LUZP2: variants seen among roughly 807,000 people sequenced by gnomAD.
LUZP2 encodes leucine zipper protein 2.
A neutral mutation model predicts 51.6 loss-of-function variants in LUZP2; 52 were observed. The observed-to-expected ratio is 1.01, with a 90% CI of 0.81 to 1.27. LUZP2 has a LOEUF of 1.27. Among genes scored for constraint, LUZP2 ranks in the 50% most tolerant of loss-of-function variants. The pLI, the probability that LUZP2 is intolerant of heterozygous loss-of-function variation, is 0.00. For synonymous variants in LUZP2, 154 were observed against 137.3 expected (o/e 1.12, Z -0.85); for missense variants, 436 against 395.4 (o/e 1.10, Z -0.87).
chr11:25,058,760 G>T (rs1003242212), intron 10 of LUZP2, among the ~76,000 whole-genome samples: 1 of 152,210 alleles, frequency 6.6e-6, no homozygotes, highest in African/African-American at 2.4e-5. Flanking sequence ...GACCACTCCT[G>T]CCGTTGGCTC....
chr11:24,513,037 C>T (rs7108369), intron 1 of LUZP2, among the ~76,000 whole-genome samples: 9,680 of 152,134 alleles, frequency 0.064, 347 homozygotes, highest in Middle Eastern at 0.1. Flanking sequence ...GGATCACAGG[C>T]GTGAGCCACC....
intron 1 of LUZP2, among the ~76,000 whole-genome samples, chr11:24,509,647 G>T (rs371935350): frequency 2.0e-5 from 3 of 149,618 alleles, no homozygotes; most frequent in East Asian, 3.9e-4. Context: ...TATATACACA[G>T]AATATATAAA....
At chr11:24,577,734 C>A (rs1852700795) in intron 1 of LUZP2, among the ~76,000 whole-genome samples, 1 of 152,012 alleles carries the variant, frequency 6.6e-6, no homozygotes, top group Admixed American at 6.6e-5. Flanking sequence ...AATTTACCCC[C>A]ACCCCAGATT....
intron 1 of LUZP2, among the ~76,000 whole-genome samples, chr11:24,723,438 A>G (rs945430192): frequency 6.6e-6 from 1 of 152,254 alleles, no homozygotes; most frequent in Non-Finnish European, 1.5e-5. Context: ...AGCATTACTC[A>G]TAATATTCAA....
intron 5 of LUZP2, among the ~76,000 whole-genome samples, chr11:24,807,024 CAAAA>C (rs34565471): frequency 1.7e-4 from 19 of 110,264 alleles, no homozygotes; most frequent in East Asian, 1.6e-3. Flanking sequence ...GAAAATCCAC[CAAAA>C]AAAAAAAAAA....
At chr11:24,834,636 T>C (rs2134186862) in intron 5 of LUZP2, among the ~76,000 whole-genome samples, 1 of 152,320 alleles carries the variant, frequency 6.6e-6, no homozygotes, top group African/African-American at 2.4e-5. Context: ...GGTCAAATGG[T>C]ATTTCTGGTT....
intron 4 of LUZP2, among the ~76,000 whole-genome samples, chr11:24,757,513 C>T (rs1468875546): frequency 3.3e-5 from 5 of 151,842 alleles, no homozygotes; most frequent in African/African-American, 1.2e-4. Context: ...AATACATTTT[C>T]AGTTAAATGA....
chr11:24,503,710 C>T (rs1850069791), intron 1 of LUZP2, among the ~76,000 whole-genome samples: 2 of 152,050 alleles, frequency 1.3e-5, no homozygotes, highest in South Asian at 2.1e-4. Flanking sequence ...TGCCCAAGGT[C>T]GTAAAGGGAA....
chr11:24,926,854 C>T (rs1854290654), intron 7 of LUZP2, among the ~76,000 whole-genome samples: 1 of 151,684 alleles, frequency 6.6e-6, no homozygotes, highest in Non-Finnish European at 1.5e-5. Flanking sequence ...CAAATTCCCA[C>T]CAGCAGTGTA....
intron 1 of LUZP2, among the ~76,000 whole-genome samples, chr11:24,561,816 T>TATAATAATAATAATAATA (rs147360262): frequency 0.021 from 2,561 of 120,826 alleles, 64 homozygotes; most frequent in African/African-American, 0.061. Flanking sequence ...GAACTTAAAG[T>TATAATAATAATAATAATA]ATAATAATAA....
intron 5 of LUZP2, among the ~76,000 whole-genome samples, chr11:24,858,832 G>A (rs541839657): frequency 6.6e-6 from 1 of 152,196 alleles, no homozygotes; most frequent in African/African-American, 2.4e-5. Context: ...TGCAATATAG[G>A]CTCTGCCAAA....
intron 1 of LUZP2, among the ~76,000 whole-genome samples, chr11:24,642,462 A>T (rs4922689): frequency 0.38 from 57,610 of 151,588 alleles, 11,470 homozygotes; most frequent in African/African-American, 0.47. Flanking sequence ...TCAGTCCTCC[A>T]CCAACCCACT....
chr11:24,963,542 A>T (rs1855485029), intron 7 of LUZP2, among the ~76,000 whole-genome samples: 1 of 151,602 alleles, frequency 6.6e-6, no homozygotes, highest in Non-Finnish European at 1.5e-5. Flanking sequence ...AACCAGCGAG[A>T]CTCCGTGGGC....
chr11:24,864,279 C>A (rs1851822424), intron 5 of LUZP2, among the ~76,000 whole-genome samples: 1 of 151,828 alleles, frequency 6.6e-6, no homozygotes, highest in Non-Finnish European at 1.5e-5. Context: ...TGACATGGAA[C>A]AATATTTAAT....
intron 1 of LUZP2, among the ~76,000 whole-genome samples, chr11:24,659,575 A>T (rs1406449034): frequency 6.6e-6 from 1 of 152,164 alleles, no homozygotes; most frequent in African/African-American, 2.4e-5. Context: ...TATAATTAAA[A>T]AAAAATAAGA....
At chr11:24,971,911 A>T (rs1482937988) in intron 7 of LUZP2, among the ~76,000 whole-genome samples, 3 of 152,040 alleles carry the variant, frequency 2.0e-5, no homozygotes, top group Non-Finnish European at 2.9e-5. Flanking sequence ...AGGCTGAGGC[A>T]GGCAGATCAT....
chr11:24,572,013 T>C (rs1294774548), intron 1 of LUZP2, among the ~76,000 whole-genome samples: 4 of 151,990 alleles, frequency 2.6e-5, no homozygotes, highest in Non-Finnish European at 2.9e-5. Flanking sequence ...ATGTACATTT[T>C]CACTCTGGAT....
intron 9 of LUZP2, among the ~76,000 whole-genome samples, chr11:25,011,521 A>T (rs1856983468): frequency 6.6e-6 from 1 of 152,188 alleles, no homozygotes; most frequent in African/African-American, 2.4e-5. Context: ...GTGAATAGAA[A>T]AGCGAACATA....
chr11:24,653,861 C>G (rs956521638), intron 1 of LUZP2, among the ~76,000 whole-genome samples: 3 of 152,184 alleles, frequency 2.0e-5, no homozygotes, highest in South Asian at 2.1e-4. Flanking sequence ...GAAAAGTGAC[C>G]ATTGGTTTTA....
Sources: allele counts gnomAD v4.1 joint callset (sites outside exome capture counted in the v4.1 genomes callset), GRCh38; gene constraint gnomAD v4.1.1; transcripts MANE v1.5; gene names NCBI Gene and HGNC (gene_info 2026-07-23, HGNC 2026-07-21).